The following ADAM32 variants were observed in gnomAD, a reference collection of about 807,000 sequenced individuals.
ADAM32 encodes the protein disintegrin and metalloproteinase domain-containing protein 32.
A neutral mutation model predicts 114.9 loss-of-function variants in ADAM32; 89 were observed. The observed-to-expected ratio is 0.77, with a 90% confidence interval of 0.65 to 0.92. The LOEUF is 0.92. Among genes scored for constraint, ADAM32 ranks in the 40% least tolerant of loss-of-function variants. The pLI is 0.00. For missense variants in ADAM32, 870 were observed against 932.8 expected (o/e 0.93, Z 0.88); for synonymous variants, 285 against 307.5 (o/e 0.93, Z 0.77).
intron 3 of ADAM32, 52 bp from the exon 4 acceptor site, chr8:39,147,078 T>A (rs1326539315): frequency 8.2e-6 from 6 of 733,764 alleles, no homozygotes; most frequent in Non-Finnish European, 1.1e-5. Context: ...ACTATGTTTT[T>A]ATATGTTTCA....
intron 19 of ADAM32, among the ~76,000 whole-genome samples, chr8:39,259,750 A>T (rs796931704): frequency 2.6e-5 from 4 of 152,320 alleles, no homozygotes; most frequent in African/African-American, 9.6e-5. Context: ...TTTTCTAAAA[A>T]TTGTTTTGTT....
intron 16 of ADAM32, among the ~76,000 whole-genome samples, chr8:39,245,822 T>C (rs1421656741): frequency 2.0e-5 from 3 of 152,248 alleles, no homozygotes; most frequent in African/African-American, 7.2e-5. Flanking sequence ...GGCTTTTTGT[T>C]ATTGTTTTAA....
intron 6 of ADAM32, among the ~76,000 whole-genome samples, chr8:39,153,322 G>T (rs1302272752): frequency 1.3e-5 from 2 of 152,180 alleles, no homozygotes; most frequent in African/African-American, 4.8e-5. Flanking sequence ...AGATGACCCA[G>T]TGTAGCGAAC....
chr8:39,200,937 T>G (rs1471420508), intron 11 of ADAM32, among the ~76,000 whole-genome samples: 1 of 152,190 alleles, frequency 6.6e-6, no homozygotes, highest in Non-Finnish European at 1.5e-5. Context: ...TGGTTATAGA[T>G]GTGTGGTATT....
intron 12 of ADAM32, among the ~76,000 whole-genome samples, chr8:39,213,462 C>A (rs899502243): frequency 2.0e-5 from 3 of 151,278 alleles, no homozygotes; most frequent in Admixed American, 2.0e-4. Context: ...CCTTAACCAA[C>A]TTTTCTTTTC....
chr8:39,217,079 CT>C (rs1808619698), intron 12 of ADAM32, among the ~76,000 whole-genome samples: 2 of 145,284 alleles, frequency 1.4e-5, no homozygotes, highest in African/African-American at 5.1e-5. Flanking sequence ...CTGGGAAAGT[CT>C]TTATTTCTCC....
rs555311589 is a variant in ADAM32 at position 39,119,411 on chromosome 8, T to C, written c.138+1246T>C. ...GTCTTTCAGATTAAAGCTATTGTAGTGGGAGTGTAGTGGTATGTAATTGTG... is the reference window on the plus strand; with the variant it reads ...GTCTTTCAGATTAAAGCTATTGTAGCGGGAGTGTAGTGGTATGTAATTGTG... On this transcript the variant is annotated intron_variant, in intron 2 of 24. Coordinates refer to ENST00000379907, the MANE Select transcript of ADAM32 (RefSeq NM_145004.7). Among the ~76,000 whole-genome samples, 579 of 152,326 alleles carry C rather than the reference T, an allele frequency of 3.8e-3. 1 individual carries two copies. Among genetic ancestry groups the C allele is most frequent in the Non-Finnish European group, 6.6e-3 (448 of 68,010 alleles).
At chr8:39,217,218 A>AAAG (rs1235732341) in intron 12 of ADAM32, among the ~76,000 whole-genome samples, 1 of 152,078 alleles carries the variant, frequency 6.6e-6, no homozygotes, top group Admixed American at 6.5e-5. Flanking sequence ...TTTCTGCTGA[A>AAAG]AAGTCTGCTG....
rs76703970 is a variant in ADAM32 at position 39,282,116 on chromosome 8, G to A, written c.2318+942G>A. Among the ~76,000 whole-genome samples the A allele has an allele frequency of 7.5e-3, 1,137 of 152,170 alleles. 17 individuals are homozygous for A. Among genetic ancestry groups the A allele is most frequent in the African/African-American group, 0.026 (1,069 of 41,522 alleles). The stretch of plus-strand genomic sequence containing the variant: ...ATTTTCTTTGTTGTCTCCACTCTCC[G>A]TCACTGTCACCAAGGGAGTTGTGAT... On this transcript the variant is annotated intron_variant, in intron 23 of 24. Transcript: ENST00000379907.
intron 18 of ADAM32, among the ~76,000 whole-genome samples, chr8:39,255,037 G>A (rs972983488): frequency 8.6e-5 from 13 of 151,852 alleles, no homozygotes; most frequent in African/African-American, 3.1e-4. Flanking sequence ...AGGTTGCTGC[G>A]AATGCTATTA....
intron 11 of ADAM32, among the ~76,000 whole-genome samples, chr8:39,191,502 AG>A (rs1256008157): frequency 3.3e-5 from 5 of 152,186 alleles, no homozygotes; most frequent in Non-Finnish European, 5.9e-5. Context: ...TCAAATAATC[AG>A]TGGTATGGAG....
At chr8:39,198,463 T>C (rs1469016467) in intron 11 of ADAM32, among the ~76,000 whole-genome samples, 1 of 152,126 alleles carries the variant, frequency 6.6e-6, no homozygotes, top group Non-Finnish European at 1.5e-5. Flanking sequence ...CTGCAACCTC[T>C]GCCTCCCGGG....
chr8:39,156,201 C>T lies in ADAM32; in HGVS notation c.525+4653C>T, dbSNP rs79341048. On this transcript the variant is annotated intron_variant, in intron 6 of 24. Coordinates refer to ENST00000379907, the MANE Select transcript of ADAM32 (RefSeq NM_145004.7). ...CTGTCATCCAGGCTGGAGTGTGGTGCTGGTGCTGTGATCACAGCTTACTGC... is the reference window on the plus strand; with the variant it reads ...CTGTCATCCAGGCTGGAGTGTGGTGTTGGTGCTGTGATCACAGCTTACTGC... Among the ~76,000 whole-genome samples, 813 of 152,146 alleles carry T rather than the reference C, an allele frequency of 5.3e-3. 7 individuals are homozygous for T. The highest frequency in any genetic ancestry group is 8.3e-3 in the Non-Finnish European group (565 of 68,014).
At chr8:39,262,276 T>A (rs1443528892) in intron 19 of ADAM32, among the ~76,000 whole-genome samples, 1 of 152,132 alleles carries the variant, frequency 6.6e-6, no homozygotes, top group African/African-American at 2.4e-5. Flanking sequence ...GATATCCAGT[T>A]TTCCCCAGGG....
chr8:39,180,107 G>A (rs1805758360), intron 10 of ADAM32, among the ~76,000 whole-genome samples: 1 of 152,206 alleles, frequency 6.6e-6, no homozygotes, highest in Non-Finnish European at 1.5e-5. Flanking sequence ...TTGCAGGGAG[G>A]TGTGGAGGGA....
chr8:39,112,680 A>T (rs1840213705), intron 1 of ADAM32, among the ~76,000 whole-genome samples: 1 of 152,190 alleles, frequency 6.6e-6, no homozygotes, highest in Admixed American at 6.6e-5. Flanking sequence ...CACATTTAGT[A>T]GATGTTAAAC....
intron 6 of ADAM32, chr8:39,157,566 T>G: frequency 1.9e-6 from 1 of 524,692 alleles, no homozygotes; most frequent in Non-Finnish European, 3.7e-6. Flanking sequence ...TGCAATCTGG[T>G]CTTTCTTGAG....
chr8:39,274,277 A>T (rs1269317076), intron 20 of ADAM32, 35 bp from the exon 21 acceptor site: 13 of 1,610,080 alleles, frequency 8.1e-6, no homozygotes, highest in Non-Finnish European at 1.1e-5. Context: ...TTTTCTTAGT[A>T]CTAACTTGAG....
chr8:39,208,755 T>C (rs1808018391), intron 11 of ADAM32, among the ~76,000 whole-genome samples: 2 of 152,230 alleles, frequency 1.3e-5, no homozygotes, highest in South Asian at 4.1e-4. Flanking sequence ...AGAATTCTGC[T>C]GCCAGATGTA....
Sources: allele counts gnomAD v4.1 joint callset (sites outside exome capture counted in the v4.1 genomes callset), GRCh38; gene constraint gnomAD v4.1.1; transcripts MANE v1.5; gene names NCBI Gene and HGNC (gene_info 2026-07-23, HGNC 2026-07-21).